SPP2: variants seen among roughly 807,000 people sequenced by gnomAD.
SPP2 encodes the protein secreted phosphoprotein 24.
In SPP2, 34 loss-of-function variants were observed where a neutral mutation model predicts 28.8. The observed-to-expected ratio is 1.18, with a 90% CI of 0.90 to 1.57. The LOEUF (loss-of-function observed/expected upper bound fraction) is 1.57, where lower values mean the gene tolerates loss of function less well. SPP2 is among the 40% of genes most tolerant of loss of function. The probability of loss-of-function intolerance (pLI) is 0.00; values close to 1 mark genes in which losing one functional copy is unlikely to be tolerated. For synonymous variants in SPP2, 96 were observed against 89.4 expected, an observed-to-expected ratio of 1.07 and a Z score of -0.42; for missense variants, 269 against 263.9, an observed-to-expected ratio of 1.02 and a Z score of -0.13.
chr2:234,054,358 T>C (rs1216365647), intron 2 of SPP2, among the ~76,000 whole-genome samples: 1 of 152,166 alleles, frequency 6.6e-6, no homozygotes, highest in Non-Finnish European at 1.5e-5. Context: ...CCTAGGGACA[T>C]GTGCATTTGC....
At chr2:234,054,534 T>C (rs1189263066) in intron 2 of SPP2, among the ~76,000 whole-genome samples, 1 of 152,166 alleles carries the variant, frequency 6.6e-6, no homozygotes, top group Admixed American at 6.5e-5. Context: ...AGGGCCCTCT[T>C]CTGGGCTGCA....
At chr2:234,070,168 C>A in intron 7 of SPP2, 145 bp downstream of exon 7, 1 of 589,116 alleles carries the variant, frequency 1.7e-6, no homozygotes, top group East Asian at 3.2e-5. Context: ...CCCAAGACTT[C>A]TCCTCAATTG....
chr2:234,072,659 G>A (rs756390639), intron 7 of SPP2, among the ~76,000 whole-genome samples: 1 of 152,230 alleles, frequency 6.6e-6, no homozygotes, highest in East Asian at 1.9e-4. Context: ...CTTTAGCAGG[G>A]CAGGTTTCTA....
chr2:234,059,021 C>T, intron 3 of SPP2, 63 bp downstream of exon 3: 1 of 1,565,736 alleles, frequency 6.4e-7, no homozygotes. Context: ...CTTCCATGAC[C>T]TGGAGTCACA....
At position 234,069,942 on chromosome 2, in the gene SPP2, G is replaced by T. The variant is rs993016427; in HGVS notation, c.565G>T (p.Val189Leu). Residue 189 changes from valine (V) to leucine (L), a missense_variant, in exon 7 of 8, where the codon GTA becomes TTA. Coordinates refer to ENST00000168148, the MANE Select transcript of SPP2 (RefSeq NM_006944.3). The part of the protein sequence containing the change: ...YDRSLGIMRR[V>L]LPPGNRRYPN... ...TCTATCTTTAGGGATCATGAGAAGG[G>T]TATTGCCTCCTGGAAACAGAAGGTA... 2.5e-6 allele frequency: 4 copies of T among 1,613,008 alleles called. No individual in the cohort carries two copies. The highest frequency in any genetic ancestry group is 2.7e-5 in the African/African-American group (2 of 74,874).
At chr2:234,055,855 CTT>C (rs57524937) in intron 2 of SPP2, among the ~76,000 whole-genome samples, 6 of 144,652 alleles carry the variant, frequency 4.1e-5, no homozygotes, top group African/African-American at 7.5e-5. Context: ...CAGTTGACTT[CTT>C]TTTTTTTTTT....
intron 2 of SPP2, among the ~76,000 whole-genome samples, chr2:234,056,668 G>T (rs1016489001): frequency 2.6e-5 from 4 of 152,026 alleles, no homozygotes; most frequent in African/African-American, 9.7e-5. Flanking sequence ...GCAGTGGAGG[G>T]CCCCAAACAA....
At position 234,070,022 on chromosome 2, in the gene SPP2, A is replaced by G; in HGVS notation, c.*9A>G. 6.2e-7 allele frequency: 1 copy of G among 1,611,892 alleles called. No homozygotes were observed. The highest frequency in any genetic ancestry group is 8.5e-7 in the Non-Finnish European group (1 of 1,178,348). On this transcript the variant is annotated splice_region_variant and 3_prime_UTR_variant, in exon 7 of 8. Coordinates refer to ENST00000168148, the MANE Select transcript of SPP2 (RefSeq NM_006944.3). ...ATACTGACTTTGAGTAACGGCCTTGAGGTAAGAAAATGCAGGTGCACACAA... is the reference window on the plus strand; with the variant it reads ...ATACTGACTTTGAGTAACGGCCTTGGGGTAAGAAAATGCAGGTGCACACAA...
At chr2:234,067,413 A>G in intron 6 of SPP2, 139 bp downstream of exon 6, 2 of 824,620 alleles carry the variant, frequency 2.4e-6, no homozygotes, top group Middle Eastern at 2.3e-4. Flanking sequence ...TAAAAAAGGA[A>G]AAGAATAGTA....
At position 234,070,717 on chromosome 2, in the gene SPP2, C is replaced by T. The variant is rs149167524; in HGVS notation, c.*10+694C>T. ...CCTCAGGTGATCTGCCTGCCTCAGC[C>T]TCCCAAAGTGCTAGGATTACAGGTG... On this transcript the variant is annotated intron_variant, in intron 7 of 7. Transcript: ENST00000168148. Among the ~76,000 whole-genome samples, 17 of 152,286 alleles carry T rather than the reference C, an allele frequency of 1.1e-4. No individual in the cohort carries two copies. In the East Asian group the frequency reaches 3.3e-3, roughly 29 times the overall value.
At chr2:234,052,465 A>T (rs1463479829) in intron 2 of SPP2, among the ~76,000 whole-genome samples, 2 of 152,224 alleles carry the variant, frequency 1.3e-5, no homozygotes, top group Non-Finnish European at 2.9e-5. Flanking sequence ...ATGAGGATAG[A>T]TCCCAAGAGA....
In SPP2 at chr2:234,067,292, T is replaced by C; in HGVS notation, c.550+18T>C. 2 of 1,613,728 alleles carry C rather than the reference T, an allele frequency of 1.2e-6. No homozygotes were observed. Among genetic ancestry groups the C allele is most frequent in the Non-Finnish European group, 1.7e-6 (2 of 1,179,628 alleles). On this transcript the variant is annotated intron_variant, in intron 6 of 7. Transcript: ENST00000168148. Reference sequence around the variant, plus strand: ...GTCACTTGGTAAGTGATTTCTTTCCTGCTGTGCCACCAGACCCTTTTCTGA... The same window carrying C: ...GTCACTTGGTAAGTGATTTCTTTCCCGCTGTGCCACCAGACCCTTTTCTGA...
chr2:234,067,141 T>TA, intron 5 of SPP2, 83 bp from the exon 6 acceptor site: 20 of 1,272,902 alleles, frequency 1.6e-5, no homozygotes, highest in Non-Finnish European at 2.2e-5. Flanking sequence ...TTAAGAAGCA[T>TA]ATTTGTGGCA....
intron 2 of SPP2, among the ~76,000 whole-genome samples, chr2:234,052,110 T>A (rs1016272903): frequency 1.3e-5 from 2 of 152,136 alleles, no homozygotes; most frequent in African/African-American, 4.8e-5. Context: ...TATTTTCTAG[T>A]TTGATTATAG....
intron 7 of SPP2, among the ~76,000 whole-genome samples, chr2:234,071,644 A>G (rs185608055): frequency 6.6e-6 from 1 of 152,340 alleles, no homozygotes; most frequent in Non-Finnish European, 1.5e-5. Flanking sequence ...TACAGTCTGC[A>G]TAACACTGCA....
chr2:234,067,693 C>T (rs961963858), intron 6 of SPP2, among the ~76,000 whole-genome samples: 6 of 137,496 alleles, frequency 4.4e-5, no homozygotes, highest in African/African-American at 1.4e-4. Flanking sequence ...AGGAGAATGG[C>T]GTGAACCCGG....
chr2:234,076,190 A>T (rs933698459), intron 7 of SPP2, among the ~76,000 whole-genome samples: 1 of 152,012 alleles, frequency 6.6e-6, no homozygotes, highest in Admixed American at 6.6e-5. Flanking sequence ...CACACCCGAC[A>T]GTGTGCGCCC....
Position 234,050,966 on chromosome 2 carries a change from T to C in SPP2, c.86-5T>C, listed in dbSNP as rs1693479406. The C allele has an allele frequency of 6.2e-7, 1 of 1,613,900 alleles. No individual in the cohort carries two copies. Among genetic ancestry groups the C allele is most frequent in the Non-Finnish European group, 8.5e-7 (1 of 1,179,926 alleles). The stretch of plus-strand genomic sequence containing the variant: ...TCACTGTGCCCCATGTGCTTGCGTG[T>C]CCAGGTTTCCCAGTGTACGACTACG... On this transcript the variant is annotated splice_region_variant and splice_polypyrimidine_tract_variant and intron_variant, in intron 1 of 7. Coordinates refer to ENST00000168148, the MANE Select transcript of SPP2 (RefSeq NM_006944.3).
At chr2:234,067,371 AG>A (rs1188023529) in intron 6 of SPP2, 97 bp downstream of exon 6, 1 of 1,086,654 alleles carries the variant, frequency 9.2e-7, no homozygotes, top group Non-Finnish European at 1.4e-6. Flanking sequence ...GTTTCATAGG[AG>A]TTAAATCTCT....
Sources: gnomAD v4.1 joint callset for allele counts (sites outside exome capture counted in the v4.1 genomes callset) on GRCh38, gnomAD v4.1.1 for gene constraint, MANE v1.5 for transcripts, NCBI Gene and HGNC (gene_info 2026-07-23, HGNC 2026-07-21) for gene names.